Variants in IL1RAPL2 observed in about 807,000 individuals in gnomAD.
IL1RAPL2 encodes the protein interleukin 1 receptor accessory protein like 2, also known as X-linked interleukin-1 receptor accessory protein-like 2.
In IL1RAPL2, 3 loss-of-function variants were observed where a neutral mutation model predicts 44.1. The ratio of observed to expected loss-of-function variants is 0.07; its 90% CI spans 0.03 to 0.18. IL1RAPL2 has a LOEUF of 0.18. IL1RAPL2 is among the 10% of genes least tolerant of loss of function. The pLI, the probability that IL1RAPL2 is intolerant of heterozygous loss-of-function variation, is 1.00. For synonymous variants in IL1RAPL2, 181 were observed against 178.8 expected (o/e 1.01, Z -0.10); for missense variants, 391 against 496.4 (o/e 0.79, Z 2.02).
intron 5 of IL1RAPL2, among the ~76,000 whole-genome samples, chrX:105,411,589 T>C (rs990025236): frequency 9.0e-6 from 1 of 111,424 alleles, no homozygotes; most frequent in African/African-American, 3.3e-5. Context: ...TGTATAATGA[T>C]AAAGGGATCA....
At chrX:105,183,977 T>C (rs1475131499) in intron 2 of IL1RAPL2, among the ~76,000 whole-genome samples, 2 of 111,363 alleles carry the variant, frequency 1.8e-5, no homozygotes, top group Admixed American at 9.5e-5. Context: ...AGCTGTCACA[T>C]GGTCTCCTGG....
chrX:104,814,750 G>T (rs1921091415), intron 2 of IL1RAPL2, among the ~76,000 whole-genome samples: 1 of 112,183 alleles, frequency 8.9e-6, no homozygotes, highest in South Asian at 3.7e-4. Flanking sequence ...CTGCTCCTTT[G>T]TGTGGCAGTC....
At chrX:104,916,276 G>A (rs185508050) in intron 2 of IL1RAPL2, among the ~76,000 whole-genome samples, 11 of 111,451 alleles carry the variant, frequency 9.9e-5, no homozygotes, top group Admixed American at 8.6e-4. Context: ...CCTTGAAGAG[G>A]TCCTTCCCAT....
At chrX:105,761,620 T>C (rs977557069) in intron 10 of IL1RAPL2, among the ~76,000 whole-genome samples, 18 of 111,911 alleles carry the variant, frequency 1.6e-4, no homozygotes, top group Non-Finnish European at 3.2e-4. Context: ...TGTTGATAGC[T>C]ATAAATTAGC....
At chrX:105,123,255 G>A (rs1321070898) in intron 2 of IL1RAPL2, among the ~76,000 whole-genome samples, 1 of 110,468 alleles carries the variant, frequency 9.1e-6, no homozygotes, top group Non-Finnish European at 1.9e-5. Flanking sequence ...AGGGAGTAGG[G>A]GTGGAGGTAG....
At chrX:104,787,060 T>A (rs1033827533) in intron 2 of IL1RAPL2, among the ~76,000 whole-genome samples, 9 of 109,043 alleles carry the variant, frequency 8.3e-5, no homozygotes, top group Admixed American at 5.0e-4. Flanking sequence ...TTATTTATTC[T>A]TTTCATTCAC....
At chrX:105,011,866 C>G (rs193162756) in intron 2 of IL1RAPL2, among the ~76,000 whole-genome samples, 73 of 110,149 alleles carry the variant, frequency 6.6e-4, no homozygotes, top group African/African-American at 2.3e-3. Context: ...GTAGTATTTA[C>G]TACTATTTCA....
chrX:105,447,229 AATATATATATAAATATAAATAT>A (rs2035968741), intron 5 of IL1RAPL2, among the ~76,000 whole-genome samples: 1 of 25,708 alleles, frequency 3.9e-5, no homozygotes, highest in Non-Finnish European at 4.8e-5. Context: ...AATATATATA[AATATATATATAAATATAAATAT>A]ATATAAATAT....
At chrX:105,048,103 C>A (rs6621908) in intron 2 of IL1RAPL2, among the ~76,000 whole-genome samples, 1 of 110,978 alleles carries the variant, frequency 9.0e-6, no homozygotes, top group East Asian at 2.8e-4. Context: ...GAGATCACAT[C>A]GCAGCAGGAG....
chrX:104,834,101 G>C (rs956124227), intron 2 of IL1RAPL2, among the ~76,000 whole-genome samples: 2 of 111,432 alleles, frequency 1.8e-5, no homozygotes, highest in Admixed American at 9.6e-5. Flanking sequence ...TTCATTTAAG[G>C]CACAGCCTGA....
intron 2 of IL1RAPL2, among the ~76,000 whole-genome samples, chrX:104,829,079 A>T (rs1921540655): frequency 8.9e-6 from 1 of 111,767 alleles, no homozygotes; most frequent in Non-Finnish European, 1.9e-5. Flanking sequence ...TGGGGTTGGG[A>T]TCTGCTGAGC....
At chrX:105,135,357 G>A (rs929777924) in intron 2 of IL1RAPL2, among the ~76,000 whole-genome samples, 1 of 111,176 alleles carries the variant, frequency 9.0e-6, no homozygotes, top group African/African-American at 3.3e-5. Flanking sequence ...ATTTTTCAAA[G>A]GCTGACCAAA....
intron 5 of IL1RAPL2, among the ~76,000 whole-genome samples, chrX:105,332,171 T>A (rs1454318161): frequency 4.5e-5 from 5 of 110,320 alleles, no homozygotes; most frequent in Non-Finnish European, 9.5e-5. Flanking sequence ...CCAAAAAAAA[T>A]TTTTTAACAA....
intron 2 of IL1RAPL2, among the ~76,000 whole-genome samples, chrX:104,944,574 G>C (rs1342419042): frequency 9.0e-6 from 1 of 111,570 alleles, no homozygotes; most frequent in East Asian, 2.8e-4. Context: ...AGTCTCATTA[G>C]TCTAAATTTT....
chrX:105,296,362 CATA>C (rs1160497479), intron 5 of IL1RAPL2, among the ~76,000 whole-genome samples: 2 of 111,980 alleles, frequency 1.8e-5, no homozygotes, highest in African/African-American at 6.5e-5. Context: ...TCTGGACCCA[CATA>C]ATACTTTTTG....
At chrX:105,031,056 G>A (rs1447220952) in intron 2 of IL1RAPL2, among the ~76,000 whole-genome samples, 1 of 109,786 alleles carries the variant, frequency 9.1e-6, no homozygotes, top group African/African-American at 3.3e-5. Context: ...TCTGTTATTG[G>A]TGTATAAGAA....
chrX:105,496,846 C>T (rs930197184), intron 6 of IL1RAPL2, among the ~76,000 whole-genome samples: 1 of 111,700 alleles, frequency 9.0e-6, no homozygotes, highest in Non-Finnish European at 1.9e-5. Flanking sequence ...GTACTCACTT[C>T]TGTGTGTGTT....
chrX:105,117,880 C>G (rs189532404), intron 2 of IL1RAPL2, among the ~76,000 whole-genome samples: 7 of 111,957 alleles, frequency 6.3e-5, no homozygotes, highest in African/African-American at 2.3e-4. Context: ...GAGAGTAACC[C>G]AGCTACACTA....
At chrX:104,915,784 T>C (rs1390556338) in intron 2 of IL1RAPL2, among the ~76,000 whole-genome samples, 5 of 111,945 alleles carry the variant, frequency 4.5e-5, no homozygotes, top group African/African-American at 6.5e-5. Flanking sequence ...GCTTTCTACA[T>C]ATGGCTAGCC....
Sources: gnomAD v4.1 joint callset for allele counts (sites outside exome capture counted in the v4.1 genomes callset) on GRCh38, gnomAD v4.1.1 for gene constraint, MANE v1.5 for transcripts, NCBI Gene and HGNC (gene_info 2026-07-23, HGNC 2026-07-21) for gene names.